The following SKI variants were observed in gnomAD, a reference collection of about 807,000 sequenced individuals.
The protein encoded by SKI is SKI proto-oncogene, also known as ski oncogene.
In SKI, 23 loss-of-function variants were observed where a neutral mutation model predicts 59.3. The ratio of observed to expected loss-of-function variants is 0.39; its 90% confidence interval spans 0.28 to 0.55. The LOEUF (loss-of-function observed/expected upper bound fraction) is 0.55, where lower values mean the gene tolerates loss of function less well. Among genes scored for constraint, SKI ranks in the 20% least tolerant of loss-of-function variants. SKI has a pLI of 0.67. For synonymous variants in SKI, 673 were observed against 488.6 expected (o/e 1.38, Z -4.98); for missense variants, 1,017 against 1,038.9 (o/e 0.98, Z 0.29).
At position 2,307,850 on chromosome 1, in the gene SKI, G is replaced by A. The variant is rs1640636500; in HGVS notation, c.*1085G>A. On this transcript the variant is annotated 3_prime_UTR_variant, in exon 7 of 7. Coordinates refer to ENST00000378536, the MANE Select transcript of SKI (RefSeq NM_003036.4). ...CGAGTGCTTAGAAACCCCCTCTGGT[G>A]CTTGGTTGAACAAGGGAATCACAAG... 6.6e-6 allele frequency: 1 copy of A among 152,552 alleles called. No homozygotes were observed. Among genetic ancestry groups the A allele is most frequent in the Admixed American group, 6.5e-5 (1 of 15,282 alleles). The allele number at this position is 152,552 out of a possible 1,614,324, so 9.4% of individuals were successfully genotyped here. A position where few individuals can be genotyped will look rare whatever the true frequency, so the allele number is the denominator to read the frequency against.
chr1:2,269,184 C>T lies in SKI; in HGVS notation c.970-33794C>T, dbSNP rs1422715596. Among the ~76,000 whole-genome samples, 8 of 152,114 alleles carry T rather than the reference C, an allele frequency of 5.3e-5. No individual in the cohort carries two copies. The highest frequency in any genetic ancestry group is 3.9e-4 in the East Asian group (2 of 5,178). On this transcript the variant is annotated intron_variant, in intron 1 of 6. Transcript: ENST00000378536. The surrounding 1 kb of genome is among the most constrained non-coding windows in gnomAD (Gnocchi z 4.7). ...CTGGTCTAGAACTCCTGGGCTCAAG[C>T]GATCCTCCTGCTTCAGCCTCCCAAA...
At chr1:2,278,025 C>G (rs748489979) in intron 1 of SKI, among the ~76,000 whole-genome samples, 4 of 152,276 alleles carry the variant, frequency 2.6e-5, no homozygotes, top group Non-Finnish European at 4.4e-5. Context: ...GGCACACACA[C>G]ATGCACCCAC....
intron 1 of SKI, among the ~76,000 whole-genome samples, chr1:2,231,537 G>A (rs1282438854): frequency 1.3e-5 from 2 of 152,190 alleles, no homozygotes; most frequent in African/African-American, 2.4e-5. Context: ...TCCTTGGGCC[G>A]CCATAGAGAC....
In SKI at chr1:2,245,439, A is replaced by G. The variant is rs540125607; in HGVS notation, c.969+15704A>G. 1.5e-3 allele frequency among the ~76,000 whole-genome samples: 231 copies of G among 151,910 alleles called. 1 individual carries two copies. The highest frequency in any genetic ancestry group is 3.4e-3 in the Middle Eastern group (1 of 294). Reference sequence around the variant, plus strand: ...TGCCTTCAGTTCTGGGTGTAGACCCAGAAGTGGGATTGCTGGATCATTGAT... The same window carrying G: ...TGCCTTCAGTTCTGGGTGTAGACCCGGAAGTGGGATTGCTGGATCATTGAT... On this transcript the variant is annotated intron_variant, in intron 1 of 6. Coordinates refer to ENST00000378536, the MANE Select transcript of SKI (RefSeq NM_003036.4).
In SKI at chr1:2,267,867, T is replaced by C. The variant is rs1266464191; in HGVS notation, c.970-35111T>C. 6.6e-6 allele frequency among the ~76,000 whole-genome samples: 1 copy of C among 152,212 alleles called. No individual in the cohort carries two copies. Among genetic ancestry groups the C allele is most frequent in the African/African-American group, 2.4e-5 (1 of 41,458 alleles). The stretch of plus-strand genomic sequence containing the variant: ...CGAGATGTGTTTGAAAGTCACACTT[T>C]GGTTCCAGGTCACAGCTTGAACCTC... On this transcript the variant is annotated intron_variant, in intron 1 of 6. Transcript: ENST00000378536. The surrounding 1 kb of genome is among the most constrained non-coding windows in gnomAD (Gnocchi z 4.1).
At chr1:2,279,299 C>T (rs1294478818) in intron 1 of SKI, among the ~76,000 whole-genome samples, 4 of 152,226 alleles carry the variant, frequency 2.6e-5, no homozygotes, top group Non-Finnish European at 2.9e-5. Context: ...GGGGCGTGGC[C>T]GTGCCCAGCA....
chr1:2,301,760 A>G (rs1301290946), intron 1 of SKI, among the ~76,000 whole-genome samples: 2 of 152,244 alleles, frequency 1.3e-5, no homozygotes, highest in African/African-American at 4.8e-5. Context: ...GCTGAGGGCA[A>G]GGGCGGAGCC....
At chr1:2,263,479 C>T (rs1239087856) in intron 1 of SKI, among the ~76,000 whole-genome samples, 3 of 140,016 alleles carry the variant, frequency 2.1e-5, no homozygotes, top group African/African-American at 5.3e-5. Context: ...TTAGGTGATC[C>T]TCCTGCCTCA....
chr1:2,279,053 G>T (rs1166263756), intron 1 of SKI, among the ~76,000 whole-genome samples: 1 of 152,190 alleles, frequency 6.6e-6, no homozygotes, highest in African/African-American at 2.4e-5. Flanking sequence ...CTGCTCGGGG[G>T]CTTGGTGGCT....
At chr1:2,257,461 G>A (rs963205212) in intron 1 of SKI, among the ~76,000 whole-genome samples, 5 of 152,234 alleles carry the variant, frequency 3.3e-5, no homozygotes, top group Admixed American at 6.5e-5. Flanking sequence ...AGAGCGCGTC[G>A]GCGTGGCTCC....
In SKI at chr1:2,304,276, C is replaced by T. The variant is rs1214253908; in HGVS notation, c.1475-17C>T. ...GGCACTTCCATGACTTTGTTTCTGTCTCTGCTTCCTCCTCAGTCACCTCCT... is the reference window on the plus strand; with the variant it reads ...GGCACTTCCATGACTTTGTTTCTGTTTCTGCTTCCTCCTCAGTCACCTCCT... On this transcript the variant is annotated splice_polypyrimidine_tract_variant and intron_variant, in intron 4 of 6. Transcript: ENST00000378536. 4.5e-6 allele frequency: 7 copies of T among 1,551,604 alleles called. No homozygotes were observed. In the Admixed American group the frequency reaches 9.8e-5, roughly 22 times the overall value.
chr1:2,283,663 G>T (rs1023127913), intron 1 of SKI, among the ~76,000 whole-genome samples: 1 of 152,208 alleles, frequency 6.6e-6, no homozygotes, highest in African/African-American at 2.4e-5. Flanking sequence ...AGCCCAGGGG[G>T]CTTCAGGGAG....
chr1:2,264,347 G>T (rs1331795574), intron 1 of SKI, among the ~76,000 whole-genome samples: 1 of 152,092 alleles, frequency 6.6e-6, no homozygotes, highest in African/African-American at 2.4e-5. Flanking sequence ...TCGGCTCACT[G>T]CAACCTCTGC....
At position 2,306,268 on chromosome 1, in the gene SKI, C is replaced by G. The variant is rs1224468596; in HGVS notation, c.1998+18C>G. On this transcript the variant is annotated intron_variant, in intron 6 of 6. Coordinates refer to ENST00000378536, the MANE Select transcript of SKI (RefSeq NM_003036.4). ...CGGCCCAGGTATGCGGGTGGGGAGA[C>G]TGAGGCACGCAGCACGGTGGGCGTG... 1.3e-6 allele frequency: 2 copies of G among 1,537,092 alleles called. No individual in the cohort carries two copies.
chr1:2,228,896 CAGG>C lies in SKI; in HGVS notation c.134_136del (p.Glu45del). The C allele has an allele frequency of 7.0e-7, 1 of 1,422,666 alleles. No individual in the cohort carries two copies. Among genetic ancestry groups the C allele is most frequent in the Non-Finnish European group, 9.2e-7 (1 of 1,083,938 alleles). The allele number at this position is 1,422,666 out of a possible 1,614,324, so 88.1% of individuals were successfully genotyped here. On this transcript the variant is annotated inframe_deletion, in exon 1 of 7. Coordinates refer to ENST00000378536, the MANE Select transcript of SKI (RefSeq NM_003036.4). Reference sequence around the variant, plus strand: ...GGCCGCTTTCTCGGCGCGCTGGGCGCAGGAGGCCTACAAGAAGGAGAGCGCCAA... The same window carrying C: ...GGCCGCTTTCTCGGCGCGCTGGGCGCAGGCCTACAAGAAGGAGAGCGCCAA...
chr1:2,232,418 C>T (rs577655440), intron 1 of SKI: 1 of 152,302 alleles, frequency 6.6e-6, no homozygotes, highest in South Asian at 2.1e-4. Context: ...GGAGATGTTC[C>T]CGGGTCCCAA....
In SKI at chr1:2,228,721, C is replaced by G; in HGVS notation, c.-46C>G. ...GGGGCGGCGGCGGGGGCCGGGGGGGCCCGGGCGCGCGGGAGCGGGAGCGGC... is the reference window on the plus strand; with the variant it reads ...GGGGCGGCGGCGGGGGCCGGGGGGGGCCGGGCGCGCGGGAGCGGGAGCGGC... On this transcript the variant is annotated 5_prime_UTR_variant, in exon 1 of 7. Transcript: ENST00000378536. The G allele has an allele frequency of 9.9e-7, 1 of 1,007,346 alleles. No homozygotes were observed. The allele number at this position is 1,007,346 out of a possible 1,614,324, so 62.4% of individuals were successfully genotyped here.
intron 1 of SKI, among the ~76,000 whole-genome samples, chr1:2,249,722 T>G (rs1192884608): frequency 1.3e-5 from 2 of 152,212 alleles, no homozygotes; most frequent in African/African-American, 4.8e-5. Flanking sequence ...GGCCGCGGCC[T>G]CATGGGGCCT....
chr1:2,304,252 GC>G, intron 4 of SKI, 40 bp from the exon 5 acceptor site: 1 of 1,552,004 alleles, frequency 6.4e-7, no homozygotes, highest in Non-Finnish European at 8.7e-7. Context: ...GAGCTGCCGG[GC>G]ACTTCCATGA....
Sources: allele counts gnomAD v4.1 joint callset (sites outside exome capture counted in the v4.1 genomes callset), GRCh38; gene constraint gnomAD v4.1.1; non-coding constraint Gnocchi (gnomAD v3.1); transcripts MANE v1.5; gene names NCBI Gene and HGNC (gene_info 2026-07-23, HGNC 2026-07-21).